The following STXBP5 variants were observed in gnomAD, a reference collection of about 807,000 sequenced individuals.
STXBP5 encodes the protein syntaxin binding protein 5.
A neutral mutation model predicts 152.4 loss-of-function variants in STXBP5; 50 were observed. That is an observed-to-expected ratio of 0.33 (90% CI 0.26 to 0.42). The LOEUF is 0.42. Among genes scored for constraint, STXBP5 ranks in the 10% least tolerant of loss-of-function variants. The pLI is 1.00. For synonymous variants in STXBP5, 492 were observed against 494.7 expected, an observed-to-expected ratio of 0.99 and a Z score of 0.07; for missense variants, 1,167 against 1,388.6, an observed-to-expected ratio of 0.84 and a Z score of 2.54.
chr6:147,239,051 C>G, intron 3 of STXBP5, 119 bp from the exon 4 acceptor site: 1 of 830,066 alleles, frequency 1.2e-6, no homozygotes, highest in Non-Finnish European at 1.8e-6. Flanking sequence ...TTTCTTAGAT[C>G]TAAATCTGTT....
chr6:147,331,843 G>A (rs9403850), intron 18 of STXBP5, among the ~76,000 whole-genome samples: 1 of 139,894 alleles, frequency 7.1e-6, no homozygotes, highest in African/African-American at 2.7e-5. Flanking sequence ...AAAACTCTAA[G>A]AGTGGCAATT....
At chr6:147,219,371 T>A (rs1401952719) in intron 2 of STXBP5, among the ~76,000 whole-genome samples, 2 of 152,120 alleles carry the variant, frequency 1.3e-5, no homozygotes, top group African/African-American at 4.8e-5. Context: ...GAAGGATTGA[T>A]CTTAGTTTTC....
At chr6:147,320,522 C>T (rs1054127383) in intron 16 of STXBP5, among the ~76,000 whole-genome samples, 3 of 150,362 alleles carry the variant, frequency 2.0e-5, no homozygotes, top group African/African-American at 7.4e-5. Context: ...GAAAATACAA[C>T]AGATGTGGAG....
chr6:147,381,682 A>G (rs1205903416), intron 26 of STXBP5, among the ~76,000 whole-genome samples: 1 of 152,162 alleles, frequency 6.6e-6, no homozygotes, highest in Admixed American at 6.6e-5. Context: ...TATCCATAAA[A>G]TGACACGTTA....
chr6:147,260,845 A>C, intron 5 of STXBP5, 96 bp downstream of exon 5: 1 of 1,382,152 alleles, frequency 7.2e-7, no homozygotes, highest in South Asian at 1.4e-5. Flanking sequence ...TATGGAATTA[A>C]ATATGTGACA....
intron 9 of STXBP5, chr6:147,292,840 G>T (rs1012754677): frequency 1.4e-4 from 22 of 152,162 alleles, no homozygotes; most frequent in African/African-American, 4.8e-4. Context: ...TAATATTTAT[G>T]AGTTCAGGTT....
intron 9 of STXBP5, among the ~76,000 whole-genome samples, chr6:147,295,967 A>C (rs1053674266): frequency 6.6e-6 from 1 of 152,100 alleles, no homozygotes; most frequent in Non-Finnish European, 1.5e-5. Context: ...CCATGCTCAC[A>C]TGGGTGACTA....
intron 9 of STXBP5, among the ~76,000 whole-genome samples, chr6:147,297,035 C>T (rs527278699): frequency 2.6e-4 from 39 of 152,098 alleles, no homozygotes; most frequent in African/African-American, 7.2e-4. Context: ...GGAGGAAAGG[C>T]GCAGAAAACA....
chr6:147,241,661 A>G (rs528278817), intron 4 of STXBP5, among the ~76,000 whole-genome samples: 201 of 152,252 alleles, frequency 1.3e-3, no homozygotes, highest in African/African-American at 4.5e-3. Flanking sequence ...TAGATTAGAG[A>G]TGTTATAGCT....
chr6:147,307,538 A>G (rs1244753190), intron 9 of STXBP5, among the ~76,000 whole-genome samples: 1 of 152,080 alleles, frequency 6.6e-6, no homozygotes, highest in Non-Finnish European at 1.5e-5. Flanking sequence ...TTATCATTGT[A>G]TTTATGACTA....
Position 147,358,729 on chromosome 6 carries a change from G to T in STXBP5, c.2306-355G>T, listed in dbSNP as rs146079519. On this transcript the variant is annotated intron_variant, in intron 22 of 27. Transcript: ENST00000321680. ...ATGTAATAAAGTAGGCTAGAGAAAA[G>T]AATGTTATTAAGAAAATCATAAGGA... 8.0e-3 allele frequency among the ~76,000 whole-genome samples: 1,205 copies of T among 150,700 alleles called. 20 individuals carry two copies. The highest frequency in any genetic ancestry group is 0.028 in the African/African-American group (1,152 of 40,848).
chr6:147,353,057 T>C (rs1784659082), intron 21 of STXBP5, among the ~76,000 whole-genome samples: 1 of 151,980 alleles, frequency 6.6e-6, no homozygotes, highest in South Asian at 2.1e-4. Context: ...GGTGGGAGGA[T>C]CACTTGAGCC....
At chr6:147,319,830 T>C (rs1308030561) in intron 16 of STXBP5, among the ~76,000 whole-genome samples, 2 of 22,264 alleles carry the variant, frequency 9.0e-5, no homozygotes, top group Non-Finnish European at 1.7e-4. Context: ...TCTGGATTCT[T>C]TTTTTTTTTT....
intron 5 of STXBP5, 105 bp downstream of exon 5, chr6:147,260,854 CAG>C: frequency 7.5e-7 from 1 of 1,337,384 alleles, no homozygotes; most frequent in Non-Finnish European, 1.0e-6. Flanking sequence ...AAATATGTGA[CAG>C]ATGTTCTTAA....
At position 147,262,466 on chromosome 6, in the gene STXBP5, G is replaced by A. The variant is rs1357733488; in HGVS notation, c.630+113G>A. 3 of 600,596 alleles carry A rather than the reference G, an allele frequency of 5.0e-6. No homozygotes were observed. The Admixed American group carries it at 1.1e-4, about 21-fold the overall frequency. The allele number at this position is 600,596 out of a possible 1,614,324, so 37.2% of individuals were successfully genotyped here. A position where few individuals can be genotyped will look rare whatever the true frequency, so the allele number is the denominator to read the frequency against. On this transcript the variant is annotated intron_variant, in intron 6 of 27. Coordinates refer to ENST00000321680, the MANE Select transcript of STXBP5 (RefSeq NM_001127715.4). ...CAAATTGAGATTACCATTGAAGGTT[G>A]TGTATCATATACAGTTAATGCTTAT...
rs1279753231 is a variant in STXBP5 at position 147,309,346 on chromosome 6, A to T, written c.918-738A>T. Among the ~76,000 whole-genome samples the T allele has an allele frequency of 3.3e-5, 5 of 152,180 alleles. No individual in the cohort carries two copies. In the East Asian group the frequency reaches 9.6e-4, roughly 29 times the overall value. The stretch of plus-strand genomic sequence containing the variant: ...TACCATAAATAACTTCACCACCAAT[A>T]AATGGAAAGACAAGTCAAATGCGTG... On this transcript the variant is annotated intron_variant, in intron 9 of 27. Coordinates refer to ENST00000321680, the MANE Select transcript of STXBP5 (RefSeq NM_001127715.4).
chr6:147,254,022 C>T (rs945290256), intron 4 of STXBP5, among the ~76,000 whole-genome samples: 1 of 152,158 alleles, frequency 6.6e-6, no homozygotes, highest in Admixed American at 6.5e-5. Context: ...GGAGGCATCA[C>T]GCTACCTGAC....
At chr6:147,283,432 G>A (rs1453128868) in intron 8 of STXBP5, among the ~76,000 whole-genome samples, 4 of 152,096 alleles carry the variant, frequency 2.6e-5, no homozygotes, top group Non-Finnish European at 4.4e-5. Context: ...AGACTTACCA[G>A]ACTCCACAGA....
chr6:147,388,835 T>A lies in STXBP5; in HGVS notation c.*4080T>A, dbSNP rs187473178. The A allele has an allele frequency of 8.8e-4, 132 of 150,772 alleles. 1 individual carries two copies. The highest frequency in any genetic ancestry group is 3.0e-3 in the African/African-American group (126 of 41,414). The allele number at this position is 150,772 out of a possible 1,614,324, so 9.3% of individuals were successfully genotyped here. On this transcript the variant is annotated 3_prime_UTR_variant, in exon 28 of 28. Coordinates refer to ENST00000321680, the MANE Select transcript of STXBP5 (RefSeq NM_001127715.4). Reference sequence around the variant, plus strand: ...ATATATATATATATATTTAAAATAGTTTTCCAGGTATTTTCTTCTACCTTT... The same window carrying A: ...ATATATATATATATATTTAAAATAGATTTCCAGGTATTTTCTTCTACCTTT...
Sources: gnomAD v4.1 joint callset for allele counts (sites outside exome capture counted in the v4.1 genomes callset) on GRCh38, gnomAD v4.1.1 for gene constraint, MANE v1.5 for transcripts, NCBI Gene and HGNC (gene_info 2026-07-23, HGNC 2026-07-21) for gene names.